The following KIF26B variants were observed in gnomAD, a reference collection of about 807,000 sequenced individuals.
KIF26B encodes kinesin family member 26B, also known as kinesin-like protein KIF26B.
Under a neutral mutation model 151.2 loss-of-function variants are expected in KIF26B, and 63 were observed. The observed-to-expected ratio is 0.42, with a 90% CI of 0.34 to 0.51. The LOEUF (loss-of-function observed/expected upper bound fraction) is 0.51, where lower values mean the gene tolerates loss of function less well. KIF26B is among the 20% of genes least tolerant of loss of function. The pLI is 0.07. For missense variants in KIF26B, 2,813 were observed against 2,913.6 expected, an observed-to-expected ratio of 0.97 and a Z score of 0.79; for synonymous variants, 1,357 against 1,262.1, an observed-to-expected ratio of 1.08 and a Z score of -1.59.
chr1:245,189,504 A>G (rs895227451), intron 2 of KIF26B, among the ~76,000 whole-genome samples: 3 of 152,168 alleles, frequency 2.0e-5, no homozygotes, highest in African/African-American at 7.2e-5. Context: ...TACACTAACA[A>G]TTGGATGTGC....
At chr1:245,330,056 C>T (rs990379279) in intron 2 of KIF26B, among the ~76,000 whole-genome samples, 2 of 152,056 alleles carry the variant, frequency 1.3e-5, no homozygotes, top group African/African-American at 4.8e-5. Flanking sequence ...ATCTGAAGTG[C>T]AAAGATTACA....
At chr1:245,696,620 G>A (rs546416737) in intron 12 of KIF26B, among the ~76,000 whole-genome samples, 8 of 152,280 alleles carry the variant, frequency 5.3e-5, no homozygotes, top group Admixed American at 3.9e-4. Context: ...CAGCTAGCTT[G>A]ATCAGACTGA....
chr1:245,649,257 G>T (rs2043987497), intron 10 of KIF26B, among the ~76,000 whole-genome samples: 1 of 152,218 alleles, frequency 6.6e-6, no homozygotes, highest in South Asian at 2.1e-4. Flanking sequence ...TTGAGGTACA[G>T]GAAGATAAGG....
At chr1:245,648,211 G>A (rs78451399) in intron 10 of KIF26B, among the ~76,000 whole-genome samples, 1,754 of 152,312 alleles carry the variant, frequency 0.012, 31 homozygotes, top group African/African-American at 0.039. Context: ...TCTGCAGGGC[G>A]ACATGCTTTT....
intron 12 of KIF26B, among the ~76,000 whole-genome samples, chr1:245,695,433 A>G (rs1242982082): frequency 6.6e-6 from 1 of 152,148 alleles, no homozygotes; most frequent in Non-Finnish European, 1.5e-5. Flanking sequence ...AGGCGCGGGG[A>G]GAGGGAGCCT....
At chr1:245,180,312 G>GAGAA (rs1271525744) in intron 2 of KIF26B, among the ~76,000 whole-genome samples, 1 of 151,392 alleles carries the variant, frequency 6.6e-6, no homozygotes, top group Non-Finnish European at 1.5e-5. Context: ...GAGAGAGAGA[G>GAGAA]AGAGGAGTGG....
At chr1:245,396,422 A>G (rs6699587) in intron 3 of KIF26B, among the ~76,000 whole-genome samples, 35,387 of 151,900 alleles carry the variant, frequency 0.23, 6,344 homozygotes, top group African/African-American at 0.5. Context: ...TGTCTTAATC[A>G]TATGGCTTCA....
chr1:245,171,371 G>A (rs540790934), intron 2 of KIF26B, among the ~76,000 whole-genome samples: 18 of 152,246 alleles, frequency 1.2e-4, no homozygotes, highest in South Asian at 2.1e-4. Context: ...GTGAAACCCC[G>A]TCTCTACTAA....
At chr1:245,447,674 C>T (rs1659277279) in intron 4 of KIF26B, among the ~76,000 whole-genome samples, 1 of 152,070 alleles carries the variant, frequency 6.6e-6, no homozygotes, top group Non-Finnish European at 1.5e-5. Context: ...TAAGACATGC[C>T]CACCAGTGTG....
At chr1:245,404,978 A>G (rs772569720) in intron 3 of KIF26B, among the ~76,000 whole-genome samples, 1 of 152,240 alleles carries the variant, frequency 6.6e-6, no homozygotes, top group African/African-American at 2.4e-5. Context: ...TACACTTCTT[A>G]AAGCATTCTT....
At chr1:245,651,907 G>A (rs543903906) in intron 10 of KIF26B, among the ~76,000 whole-genome samples, 3 of 152,228 alleles carry the variant, frequency 2.0e-5, no homozygotes, top group South Asian at 4.2e-4. Flanking sequence ...AAGGTAAAAG[G>A]GTTTGGGACT....
Position 245,687,657 on chromosome 1 carries a change from T to G in KIF26B, c.4674T>G (p.Ala1558=). 1 of 1,575,176 alleles carries G rather than the reference T, an allele frequency of 6.3e-7. No individual in the cohort carries two copies. The highest frequency in any genetic ancestry group is 8.6e-7 in the Non-Finnish European group (1 of 1,160,722). ...CGGACAGCCTCTCCTATTACTGCGC[T>G]GCTGAGACCAACGGGGTGGGTGCAG... ...EEPDSLSYYC[A]AETNGVGAAS... is the part of the protein sequence containing the mutation. Residue 1558 remains alanine (A), a synonymous_variant, in exon 12 of 15, where the codon GCT becomes GCG. Coordinates refer to ENST00000407071, the MANE Select transcript of KIF26B (RefSeq NM_018012.4). The surrounding 1 kb of genome is among the most constrained non-coding windows in gnomAD (Gnocchi z 4.9).
At chr1:245,573,288 C>T (rs2043083262) in intron 5 of KIF26B, among the ~76,000 whole-genome samples, 1 of 152,190 alleles carries the variant, frequency 6.6e-6, no homozygotes, top group Non-Finnish European at 1.5e-5. Flanking sequence ...CTTTTGGAGG[C>T]CAACGCGGGT....
intron 3 of KIF26B, among the ~76,000 whole-genome samples, chr1:245,369,949 G>T (rs1673072625): frequency 6.6e-6 from 1 of 152,176 alleles, no homozygotes; most frequent in Non-Finnish European, 1.5e-5. Context: ...ACCTTCTAGG[G>T]CAGGAACAGA....
At chr1:245,679,146 G>A (rs924037583) in intron 10 of KIF26B, among the ~76,000 whole-genome samples, 3 of 152,122 alleles carry the variant, frequency 2.0e-5, no homozygotes, top group African/African-American at 4.8e-5. Context: ...CACAGGCTCT[G>A]TTACAACCAC....
At chr1:245,314,057 A>G (rs1671715114) in intron 2 of KIF26B, among the ~76,000 whole-genome samples, 2 of 152,094 alleles carry the variant, frequency 1.3e-5, no homozygotes, top group Non-Finnish European at 2.9e-5. Context: ...CTCTTTGTCC[A>G]GGTCTCAGGA....
intron 5 of KIF26B, among the ~76,000 whole-genome samples, chr1:245,548,893 G>A (rs1454070822): frequency 2.0e-5 from 3 of 152,166 alleles, no homozygotes; most frequent in African/African-American, 7.2e-5. Flanking sequence ...ACAGGCACCC[G>A]CCACCATGCC....
intron 4 of KIF26B, among the ~76,000 whole-genome samples, chr1:245,435,050 TC>T (rs1658875101): frequency 9.6e-6 from 1 of 104,226 alleles, no homozygotes; most frequent in Non-Finnish European, 2.0e-5. Flanking sequence ...CATCCATCCA[TC>T]TCTCCATCCA....
chr1:245,349,651 G>A (rs1388289665), intron 2 of KIF26B, among the ~76,000 whole-genome samples: 2 of 151,480 alleles, frequency 1.3e-5, no homozygotes, highest in Non-Finnish European at 2.9e-5. Context: ...AGTAATACTG[G>A]CTTAATGAAT....
Sources: allele counts gnomAD v4.1 joint callset (sites outside exome capture counted in the v4.1 genomes callset), GRCh38; gene constraint gnomAD v4.1.1; non-coding constraint Gnocchi (gnomAD v3.1); transcripts MANE v1.5; gene names NCBI Gene and HGNC (gene_info 2026-07-23, HGNC 2026-07-21).